CCDC122: variants seen among roughly 807,000 people sequenced by gnomAD.
The protein encoded by CCDC122 is coiled-coil domain-containing protein 122.
In CCDC122, 38 loss-of-function variants were observed where a neutral mutation model predicts 37.0. That is an observed-to-expected ratio of 1.03 (90% CI 0.79 to 1.35). CCDC122 has a LOEUF of 1.35. Ranked by LOEUF, CCDC122 falls within the 40% of genes most tolerant of loss-of-function variation. The pLI is 0.00. For missense variants in CCDC122, 305 were observed against 310.0 expected, an observed-to-expected ratio of 0.98 and a Z score of 0.12; for synonymous variants, 83 against 95.6, an observed-to-expected ratio of 0.87 and a Z score of 0.77.
At chr13:43,822,987 T>C (rs893588532), downstream of CCDC122, among the ~76,000 whole-genome samples, 1 of 152,024 alleles carries the variant, frequency 6.6e-6, no homozygotes, top group Admixed American at 6.6e-5. Context: ...CCTTTACTTC[T>C]CTCTCTGCTT....
At chr13:43,873,986 C>T (rs1954529329) in intron 2 of CCDC122, among the ~76,000 whole-genome samples, 1 of 152,214 alleles carries the variant, frequency 6.6e-6, no homozygotes, top group Non-Finnish European at 1.5e-5. Flanking sequence ...TCCAAAAGCA[C>T]TATTCTGATC....
intron 6 of CCDC122, among the ~76,000 whole-genome samples, chr13:43,846,138 G>A (rs901974066): frequency 1.3e-5 from 2 of 151,746 alleles, no homozygotes; most frequent in Admixed American, 6.6e-5. Flanking sequence ...GCAACGGCAC[G>A]ATCTCAGCTC....
chr13:43,859,533 C>A, intron 5 of CCDC122, 139 bp downstream of exon 5: 39 of 613,964 alleles, frequency 6.4e-5, no homozygotes, highest in Admixed American at 8.2e-5. Context: ...AAGTTTTTTT[C>A]AATTATGAAA....
At position 43,875,322 on chromosome 13, in the gene CCDC122, T is replaced by C. The variant is rs529258048; in HGVS notation, c.-199-395A>G. On this transcript the variant is annotated intron_variant, in intron 1 of 6. Transcript: ENST00000444614. ...ATGATTTCCAAACCAAGAGGAACTT[T>C]ATAGTGGGTTAAATAGTGCCCTCCC... 3.9e-5 allele frequency among the ~76,000 whole-genome samples: 6 copies of C among 152,314 alleles called. No homozygotes were observed. The South Asian group carries it at 1.2e-3, about 32-fold the overall frequency.
chr13:43,877,245 T>G (rs1954638666), intron 1 of CCDC122, among the ~76,000 whole-genome samples: 1 of 152,190 alleles, frequency 6.6e-6, no homozygotes, highest in Non-Finnish European at 1.5e-5. Context: ...CAAGAGATAG[T>G]ATGCAGAATT....
chr13:43,820,605 C>T (rs140246959), downstream of CCDC122, among the ~76,000 whole-genome samples: 48 of 152,262 alleles, frequency 3.2e-4, no homozygotes, highest in African/African-American at 1.0e-3. Flanking sequence ...TGGCTTATTA[C>T]CTTTGAATAT....
downstream of CCDC122, chr13:43,836,346 GAAT>G (rs1344627737): frequency 6.6e-6 from 1 of 152,030 alleles, no homozygotes; most frequent in African/African-American, 2.4e-5. Context: ...CACAGAATAC[GAAT>G]AATTTATAGA....
chr13:43,853,132 T>TA (rs904732643), intron 6 of CCDC122, among the ~76,000 whole-genome samples: 2 of 152,092 alleles, frequency 1.3e-5, no homozygotes, highest in African/African-American at 4.8e-5. Flanking sequence ...AATCTACACA[T>TA]ATCAATACTA....
chr13:43,840,065 C>T lies in CCDC122; in HGVS notation c.673-2636G>A, dbSNP rs1421052477. On this transcript the variant is annotated intron_variant, in intron 6 of 6. Coordinates refer to ENST00000444614, the MANE Select transcript of CCDC122 (RefSeq NM_144974.5). Reference sequence around the variant, plus strand: ...AGTCTATGAGTGGTTGAAGTATGGCCGCTGGGATTGTCCAACACTCAGCTG... The same window carrying T: ...AGTCTATGAGTGGTTGAAGTATGGCTGCTGGGATTGTCCAACACTCAGCTG... Among the ~76,000 whole-genome samples the T allele has an allele frequency of 3.9e-5, 6 of 152,242 alleles. No individual in the cohort carries two copies. In the East Asian group the frequency reaches 1.2e-3, roughly 29 times the overall value.
intron 6 of CCDC122, among the ~76,000 whole-genome samples, chr13:43,851,545 T>C (rs568294456): frequency 7.9e-5 from 12 of 152,248 alleles, no homozygotes; most frequent in Non-Finnish European, 1.5e-4. Flanking sequence ...TCTCTGCCAC[T>C]GTAGTGAATG....
chr13:43,826,530 T>C (rs1953042737), intron 3 of CCDC122, among the ~76,000 whole-genome samples: 1 of 152,116 alleles, frequency 6.6e-6, no homozygotes, highest in Non-Finnish European at 1.5e-5. Flanking sequence ...CTGGGAAACA[T>C]CTTAATGAAA....
intron 6 of CCDC122, chr13:43,856,567 T>C (rs908352022): frequency 5.9e-6 from 1 of 169,844 alleles, no homozygotes; most frequent in South Asian, 1.2e-4. Flanking sequence ...GAGGCAGAGC[T>C]TGCAGTGAGC....
intron 3 of CCDC122, among the ~76,000 whole-genome samples, chr13:43,825,867 T>G (rs977951295): frequency 4.0e-5 from 6 of 151,178 alleles, no homozygotes; most frequent in Admixed American, 2.0e-4. Context: ...TCACTAGAAG[T>G]GGAACCTCAG....
At chr13:43,855,891 T>C (rs1215796406) in intron 6 of CCDC122, 2 of 152,082 alleles carry the variant, frequency 1.3e-5, no homozygotes, top group Admixed American at 6.6e-5. Flanking sequence ...CATTCTATCA[T>C]AAAGACACAT....
intron 4 of CCDC122, among the ~76,000 whole-genome samples, chr13:43,867,805 G>C (rs1954321030): frequency 1.3e-5 from 2 of 151,950 alleles, no homozygotes; most frequent in Admixed American, 1.3e-4. Flanking sequence ...TTCTTTTCTA[G>C]AAGTGACTAA....
chr13:43,841,570 C>A (rs1023240812), intron 6 of CCDC122, among the ~76,000 whole-genome samples: 1 of 152,116 alleles, frequency 6.6e-6, no homozygotes, highest in Non-Finnish European at 1.5e-5. Flanking sequence ...AAATCTTTAG[C>A]CCATTTTTAA....
intron 6 of CCDC122, 113 bp downstream of exon 6, chr13:43,858,668 T>C: frequency 1.4e-6 from 1 of 732,270 alleles, no homozygotes; most frequent in Non-Finnish European, 1.9e-6. Context: ...TATAGTTCTT[T>C]CTTGTTCTTC....
chr13:43,836,835 C>T lies in CCDC122; in HGVS notation c.*445G>A, dbSNP rs1261195405. 2 of 119,394 alleles carry T rather than the reference C, an allele frequency of 1.7e-5. No homozygotes were observed. Among genetic ancestry groups the T allele is most frequent in the African/African-American group, 3.2e-5 (1 of 30,884 alleles). The allele number at this position is 119,394 out of a possible 1,614,324, so 7.4% of individuals were successfully genotyped here. ...ACTGCAGTCCGCAGTCCGGCCTGGG[C>T]GACAGAGCGAGACTCCGTCTCAAAA... On this transcript the variant is annotated 3_prime_UTR_variant, in exon 7 of 7. Transcript: ENST00000444614.
At chr13:43,858,236 G>A (rs1953988877) in intron 6 of CCDC122, 1 of 152,080 alleles carries the variant, frequency 6.6e-6, no homozygotes, top group African/African-American at 2.4e-5. Flanking sequence ...TTACATTTCT[G>A]TTCACCATTC....
Sources: allele counts gnomAD v4.1 joint callset (sites outside exome capture counted in the v4.1 genomes callset), GRCh38; gene constraint gnomAD v4.1.1; transcripts MANE v1.5; gene names NCBI Gene and HGNC (gene_info 2026-07-23, HGNC 2026-07-21).